Variants in NFYC observed in about 807,000 individuals in gnomAD.
NFYC encodes CAAT box DNA-binding protein subunit C.
In NFYC, 25 loss-of-function variants were observed where a neutral mutation model predicts 53.1. The ratio of observed to expected loss-of-function variants is 0.47; its 90% CI spans 0.34 to 0.66. NFYC has a LOEUF of 0.66. Ranked by LOEUF, NFYC falls within the 30% of genes least tolerant of loss-of-function variation. NFYC has a pLI of 0.01. For missense variants in NFYC, 260 were observed against 422.7 expected (o/e 0.62, Z 3.38); for synonymous variants, 145 against 152.6 (o/e 0.95, Z 0.37).
chr1:40,700,798 G>T (rs1272443170), intron 1 of NFYC, among the ~76,000 whole-genome samples: 1 of 152,156 alleles, frequency 6.6e-6, no homozygotes, highest in Non-Finnish European at 1.5e-5. Flanking sequence ...TGTTGTCCAG[G>T]CTGGTCTTGA....
chr1:40,747,369 ATT>A (rs1260395910), intron 2 of NFYC, among the ~76,000 whole-genome samples, 163 bp from the exon 3 acceptor site: 1 of 152,134 alleles, frequency 6.6e-6, no homozygotes, highest in African/African-American at 2.4e-5. Context: ...GTAAAGAAGA[ATT>A]TTGCTCTGGA....
chr1:40,702,124 T>C (rs544943095), intron 1 of NFYC, among the ~76,000 whole-genome samples: 1 of 152,304 alleles, frequency 6.6e-6, no homozygotes, highest in Admixed American at 6.5e-5. Context: ...TAATTTCCCA[T>C]CTATTGGTCT....
chr1:40,722,527 C>G (rs1261373412), intron 1 of NFYC, among the ~76,000 whole-genome samples: 2 of 152,170 alleles, frequency 1.3e-5, no homozygotes, highest in Admixed American at 6.5e-5. Context: ...TCTTTAGGCT[C>G]GGTACTGTAT....
intron 4 of NFYC, among the ~76,000 whole-genome samples, chr1:40,751,774 T>C (rs1645927400): frequency 6.6e-6 from 1 of 152,230 alleles, no homozygotes; most frequent in African/African-American, 2.4e-5. Flanking sequence ...TTATTATTTT[T>C]CTTTTTCCCC....
At chr1:40,762,517 G>A (rs1391769198) in intron 6 of NFYC, among the ~76,000 whole-genome samples, 1 of 152,188 alleles carries the variant, frequency 6.6e-6, no homozygotes. Flanking sequence ...ACCTGCCCCA[G>A]ACTTGACTTT....
intron 8 of NFYC, chr1:40,767,071 C>T: frequency 6.0e-6 from 7 of 1,161,324 alleles, no homozygotes; most frequent in Non-Finnish European, 7.6e-6. Context: ...TGTTCTGGCA[C>T]CTCCTGTGCT....
At chr1:40,709,051 T>G (rs573849752) in intron 1 of NFYC, among the ~76,000 whole-genome samples, 1 of 152,346 alleles carries the variant, frequency 6.6e-6, no homozygotes, top group Non-Finnish European at 1.5e-5. Flanking sequence ...ATTCTAAATT[T>G]TCAATATTCT....
At position 40,691,804 on chromosome 1, in the gene NFYC, T is replaced by C; in HGVS notation, c.-72T>C. On this transcript the variant is annotated 5_prime_UTR_variant, in exon 1 of 10. Coordinates refer to ENST00000447388, the MANE Select transcript of NFYC (RefSeq NM_014223.5). ...CTCCCCTCCGCCGCGCCTGGGCCTC[T>C]GCATTGCCCGACTCCGTAGGAGCGC... 2.2e-6 allele frequency: 1 copy of C among 447,466 alleles called. No individual in the cohort carries two copies. The highest frequency in any genetic ancestry group is 4.5e-6 in the Non-Finnish European group (1 of 222,784). The allele number at this position is 447,466 out of a possible 1,614,324, so 27.7% of individuals were successfully genotyped here.
At chr1:40,704,238 A>AT (rs1643584452) in intron 1 of NFYC, among the ~76,000 whole-genome samples, 1 of 152,044 alleles carries the variant, frequency 6.6e-6, no homozygotes, top group Non-Finnish European at 1.5e-5. Flanking sequence ...CGCCCGGCTA[A>AT]TTTTTTGTAT....
intron 1 of NFYC, among the ~76,000 whole-genome samples, chr1:40,701,037 T>C (rs1351257661): frequency 6.6e-6 from 1 of 152,240 alleles, no homozygotes; most frequent in African/African-American, 2.4e-5. Flanking sequence ...TTAAGACGCA[T>C]TAGTTCCTTA....
chr1:40,758,825 T>C (rs529192033), intron 6 of NFYC, among the ~76,000 whole-genome samples: 2 of 152,304 alleles, frequency 1.3e-5, no homozygotes, highest in African/African-American at 4.8e-5. Context: ...CATTCATGTT[T>C]GTTGGGGGTC....
At chr1:40,712,864 T>G (rs1427736908) in intron 1 of NFYC, 1 of 151,534 alleles carries the variant, frequency 6.6e-6, no homozygotes, top group Non-Finnish European at 1.5e-5. Flanking sequence ...TATTTATTTA[T>G]TTTTATTTTT....
chr1:40,730,231 G>A (rs1178421742), intron 1 of NFYC, among the ~76,000 whole-genome samples: 1 of 145,968 alleles, frequency 6.9e-6, no homozygotes, highest in African/African-American at 2.6e-5. Flanking sequence ...AGAGATAGGG[G>A]GTGTCTCTCT....
At chr1:40,708,886 T>C (rs1475931550) in intron 1 of NFYC, among the ~76,000 whole-genome samples, 3 of 152,234 alleles carry the variant, frequency 2.0e-5, no homozygotes, top group Non-Finnish European at 4.4e-5. Flanking sequence ...TCTGGTCTAT[T>C]GCCATAGGAT....
intron 1 of NFYC, among the ~76,000 whole-genome samples, chr1:40,704,672 T>C (rs944204999): frequency 1.3e-5 from 2 of 152,214 alleles, no homozygotes; most frequent in African/African-American, 2.4e-5. Context: ...AAAACTACGC[T>C]GAAGACCTTC....
chr1:40,749,486 T>C (rs777426019), intron 3 of NFYC, 87 bp from the exon 4 acceptor site: 26 of 1,027,992 alleles, frequency 2.5e-5, no homozygotes, highest in Non-Finnish European at 3.8e-5. Flanking sequence ...CCTTGCCCCA[T>C]AGTCCCATGC....
At chr1:40,735,970 G>A (rs577792859) in intron 1 of NFYC, among the ~76,000 whole-genome samples, 2 of 152,314 alleles carry the variant, frequency 1.3e-5, no homozygotes, top group South Asian at 4.1e-4. Context: ...TAGGCCATGT[G>A]TATGTGGTGA....
At chr1:40,702,632 G>C (rs1247062699) in intron 1 of NFYC, among the ~76,000 whole-genome samples, 1 of 151,252 alleles carries the variant, frequency 6.6e-6, no homozygotes, top group Non-Finnish European at 1.5e-5. Flanking sequence ...GTGAACCACC[G>C]CACCCGGCCT....
In NFYC at chr1:40,770,728, A is replaced by C; in HGVS notation, c.908A>C (p.Gln303Pro). The change falls in exon 10 of 10, where the codon CAA (glutamine) becomes CCA (proline). Residue 303 changes from glutamine (Q) to proline (P), a missense_variant. By Grantham distance (76) the Gln-to-Pro change is moderately conservative. Transcript: ENST00000447388. The surrounding 1 kb of genome is among the most constrained non-coding windows in gnomAD (Gnocchi z 5.3). Reference protein sequence around the residue: ...TDGQQLYQIQQVTMPAGQDLA... With the variant: ...TDGQQLYQIQPVTMPAGQDLA... ...TCGCAGCAGCTCTACCAGATCCAGC[A>C]AGTCACCATGCCTGCGGGCCAGGAC... The C allele has an allele frequency of 6.2e-7, 1 of 1,614,118 alleles. No homozygotes were observed. Among genetic ancestry groups the C allele is most frequent in the Non-Finnish European group, 8.5e-7 (1 of 1,180,022 alleles).
Sources: allele counts gnomAD v4.1 joint callset (sites outside exome capture counted in the v4.1 genomes callset), GRCh38; gene constraint gnomAD v4.1.1; non-coding constraint Gnocchi (gnomAD v3.1); transcripts MANE v1.5; gene names NCBI Gene and HGNC (gene_info 2026-07-23, HGNC 2026-07-21).